The following ATAD5 variants were observed in gnomAD, a reference collection of about 807,000 sequenced individuals.
The protein encoded by ATAD5 is ATPase family AAA domain-containing protein 5.
A neutral mutation model predicts 176.9 loss-of-function variants in ATAD5; 58 were observed. The observed-to-expected ratio is 0.33, with a 90% CI of 0.27 to 0.41. ATAD5 has a LOEUF of 0.41. Ranked by LOEUF, ATAD5 falls within the 10% of genes least tolerant of loss-of-function variation. ATAD5 has a pLI of 1.00. For synonymous variants in ATAD5, 640 were observed against 712.6 expected (o/e 0.90, Z 1.62); for missense variants, 1,789 against 2,094.1 (o/e 0.85, Z 2.84).
At chr17:30,871,100 T>C (rs2142401682) in intron 14 of ATAD5, among the ~76,000 whole-genome samples, 1 of 149,200 alleles carries the variant, frequency 6.7e-6, no homozygotes, top group African/African-American at 2.5e-5. Flanking sequence ...TTCAGTCTTT[T>C]TCCTCTTTTT....
intron 14 of ATAD5, among the ~76,000 whole-genome samples, chr17:30,871,121 GGTTA>G (rs1267375842): frequency 1.5e-5 from 2 of 135,704 alleles, no homozygotes; most frequent in Non-Finnish European, 3.0e-5. Flanking sequence ...GTTTCAGTTT[GGTTA>G]GTTGTTATTA....
At chr17:30,886,448 G>A (rs1909328887) in intron 18 of ATAD5, among the ~76,000 whole-genome samples, 1 of 151,424 alleles carries the variant, frequency 6.6e-6, no homozygotes. Flanking sequence ...CGCCGAGGCT[G>A]GAGTGCAATG....
rs776447126 is a variant in ATAD5, at chr17:30,835,762, T to C, written c.1681T>C (p.Leu561=). 1.2e-6 allele frequency: 2 copies of C among 1,613,566 alleles called. No homozygotes were observed. The highest frequency in any genetic ancestry group is 1.1e-5 in the South Asian group (1 of 90,882). The change falls in exon 2 of 23, where the codon TTG becomes CTG. Residue 561 remains leucine (L), a synonymous_variant. Transcript: ENST00000321990. ...KVSSLCNNNK[L]SRKTSIPVKD... is the part of the protein sequence containing the mutation. ...TTCCTCTCTGTGTAACAATAATAAA[T>C]TGTCAAGAAAAACCAGCATACCAGT...
intron 19 of ATAD5, among the ~76,000 whole-genome samples, chr17:30,889,886 CTTTTTTTTTT>C (rs60266614): frequency 2.1e-5 from 2 of 95,720 alleles, no homozygotes; most frequent in African/African-American, 8.7e-5. Flanking sequence ...TCTTTTCTTT[CTTTTTTTTTT>C]TTTTTTTTTT....
At chr17:30,886,241 G>A (rs1597997018) in intron 18 of ATAD5, among the ~76,000 whole-genome samples, 1 of 150,646 alleles carries the variant, frequency 6.6e-6, no homozygotes, top group Non-Finnish European at 1.5e-5. Context: ...AAAAAGAGTT[G>A]AGAAATGTTT....
At chr17:30,846,297 G>A (rs181075439) in intron 6 of ATAD5, among the ~76,000 whole-genome samples, 49 of 151,828 alleles carry the variant, frequency 3.2e-4, no homozygotes, top group Non-Finnish European at 5.4e-4. Context: ...TAGTATACAC[G>A]CCCACAAACA....
intron 3 of ATAD5, 49 bp downstream of exon 3, chr17:30,837,363 A>G: frequency 1.6e-6 from 2 of 1,227,236 alleles, no homozygotes; most frequent in South Asian, 1.5e-5. Context: ...GTTTCCTTAA[A>G]AAACAAACAA....
intron 18 of ATAD5, among the ~76,000 whole-genome samples, chr17:30,884,491 C>T (rs1346454946): frequency 1.5e-5 from 2 of 135,808 alleles, no homozygotes; most frequent in African/African-American, 2.9e-5. Context: ...TGCAGTGGCA[C>T]GATCTCAGCT....
At chr17:30,865,562 A>T in intron 10 of ATAD5, 142 bp from the exon 11 acceptor site, 1 of 491,222 alleles carries the variant, frequency 2.0e-6, no homozygotes, top group Non-Finnish European at 3.5e-6. Context: ...ATGTTGTTTT[A>T]AAAGTACCTC....
chr17:30,887,346 T>C lies in ATAD5; in HGVS notation c.4232T>C (p.Leu1411Ser). Reference sequence around the variant, plus strand: ...TGGATTAGAAGTGGAGGTGGAGTTTTAGAAGAACGACCATTAACCCTTTAT... The same window carrying C: ...TGGATTAGAAGTGGAGGTGGAGTTTCAGAAGAACGACCATTAACCCTTTAT... ...QFWIRSGGGVLEERPLTLYRG... is the reference protein window; with the variant it reads ...QFWIRSGGGVSEERPLTLYRG... Residue 1411 changes from leucine to serine, a missense_variant, in exon 19 of 23, where the codon TTA becomes TCA. By Grantham distance (145) the Leu-to-Ser change is moderately radical (BLOSUM62 -2). Around this residue, in one of 6 missense-constraint regions of ATAD5, gnomAD observed 403 missense variants for 495.1 expected, o/e 0.81. Coordinates refer to ENST00000321990, the MANE Select transcript of ATAD5 (RefSeq NM_024857.5). 1.2e-6 allele frequency: 2 copies of C among 1,605,092 alleles called. No homozygotes were observed. The highest frequency in any genetic ancestry group is 2.3e-5 in the South Asian group (2 of 88,828).
chr17:30,852,085 C>G (rs896307461), intron 6 of ATAD5, among the ~76,000 whole-genome samples: 1 of 152,186 alleles, frequency 6.6e-6, no homozygotes, highest in Non-Finnish European at 1.5e-5. Context: ...AATGGCAATT[C>G]TCTATTGCAG....
At chr17:30,879,329 T>C in intron 17 of ATAD5, 94 bp from the exon 18 acceptor site, 4 of 1,431,760 alleles carry the variant, frequency 2.8e-6, no homozygotes, top group Non-Finnish European at 3.9e-6. Context: ...AGGCGGGTGC[T>C]GAATATTTTC....
At chr17:30,864,672 CT>C (rs1382454037) in intron 10 of ATAD5, 1 of 152,166 alleles carries the variant, frequency 6.6e-6, no homozygotes, top group African/African-American at 2.4e-5. Context: ...CCTCCAGTGT[CT>C]TTTGTTCCCA....
Position 30,835,621 on chromosome 17 carries a change from T to A in ATAD5, c.1540T>A (p.Tyr514Asn). Residue 514 changes from tyrosine (Y) to asparagine (N), a missense_variant, in exon 2 of 23, where the codon TAT becomes AAT. Physicochemically the swap from Tyr to Asn is moderately radical, Grantham distance 143. Coordinates refer to ENST00000321990, the MANE Select transcript of ATAD5 (RefSeq NM_024857.5). ...ETTFFLKEKQ[Y>N]QNRMSLRQRK... The stretch of plus-strand genomic sequence containing the variant: ...AACCTTTTTCTTAAAAGAGAAACAA[T>A]ATCAAAATAGAATGAGTTTAAGACA... 6.2e-7 allele frequency: 1 copy of A among 1,609,574 alleles called. No homozygotes were observed. Among genetic ancestry groups the A allele is most frequent in the African/African-American group, 1.3e-5 (1 of 74,764 alleles).
intron 9 of ATAD5, 25 bp downstream of exon 9, chr17:30,858,348 T>C (rs1363931868): frequency 2.2e-6 from 3 of 1,380,774 alleles, no homozygotes; most frequent in East Asian, 2.6e-5. Flanking sequence ...TTATCATTTA[T>C]GTTAACATAC....
At chr17:30,884,718 C>T (rs1464193456) in intron 18 of ATAD5, among the ~76,000 whole-genome samples, 4 of 149,564 alleles carry the variant, frequency 2.7e-5, no homozygotes, top group Non-Finnish European at 4.4e-5. Context: ...CGTGAGCCAC[C>T]GCACCTGCCC....
At chr17:30,881,813 T>C (rs551217348) in intron 18 of ATAD5, among the ~76,000 whole-genome samples, 32 of 151,866 alleles carry the variant, frequency 2.1e-4, no homozygotes, top group Middle Eastern at 3.4e-3. Context: ...ACTTGGGAGA[T>C]TGAGGTGGGA....
intron 18 of ATAD5, among the ~76,000 whole-genome samples, chr17:30,884,321 G>A (rs1909185899): frequency 6.6e-6 from 1 of 150,732 alleles, no homozygotes; most frequent in African/African-American, 2.4e-5. Context: ...GCGCCAGGCT[G>A]TGACTGGCTT....
At position 30,835,854 on chromosome 17, in the gene ATAD5, C is replaced by G; in HGVS notation, c.1773C>G (p.Pro591=). The G allele has an allele frequency of 6.2e-7, 1 of 1,613,924 alleles. No individual in the cohort carries two copies. Among genetic ancestry groups the G allele is most frequent in the Non-Finnish European group, 8.5e-7 (1 of 1,179,976 alleles). ...CCAGCTTGCTAAATGTTTCCACGCCCAAGTCAACTAGAAGATCTGGAAGAA... is the reference window on the plus strand; with the variant it reads ...CCAGCTTGCTAAATGTTTCCACGCCGAAGTCAACTAGAAGATCTGGAAGAA... ...SEASLLNVST[P]KSTRRSGRIS... is the part of the protein sequence containing the mutation. The change falls in exon 2 of 23, where the codon CCC becomes CCG. Residue 591 remains proline (P), a synonymous_variant. Coordinates refer to ENST00000321990, the MANE Select transcript of ATAD5 (RefSeq NM_024857.5).
Sources: allele counts gnomAD v4.1 joint callset (sites outside exome capture counted in the v4.1 genomes callset), GRCh38; gene constraint gnomAD v4.1.1; regional missense constraint gnomAD v4.1.1; transcripts MANE v1.5; gene names NCBI Gene and HGNC (gene_info 2026-07-23, HGNC 2026-07-21).